The following CHCHD6 variants were observed in gnomAD, a reference collection of about 807,000 sequenced individuals.
CHCHD6 encodes coiled-coil-helix-coiled-coil-helix domain containing 6.
In CHCHD6, 28 loss-of-function variants were observed where a neutral mutation model predicts 32.3. That is an observed-to-expected ratio of 0.87 (90% CI 0.64 to 1.19). The LOEUF (loss-of-function observed/expected upper bound fraction) is 1.19, where lower values mean the gene tolerates loss of function less well. Ranked by LOEUF, CHCHD6 falls within the 50% of genes most tolerant of loss-of-function variation. The pLI is 0.00. For synonymous variants in CHCHD6, 122 were observed against 117.5 expected, an observed-to-expected ratio of 1.04 and a Z score of -0.25; for missense variants, 333 against 307.0, an observed-to-expected ratio of 1.08 and a Z score of -0.63.
chr3:126,738,848 C>G (rs75112617), intron 4 of CHCHD6, among the ~76,000 whole-genome samples: 198 of 152,308 alleles, frequency 1.3e-3, no homozygotes, highest in African/African-American at 4.7e-3. Flanking sequence ...ATTTGGGAGT[C>G]AACTAAAAAG....
At chr3:126,932,972 T>G (rs1317055128) in intron 6 of CHCHD6, among the ~76,000 whole-genome samples, 3 of 151,538 alleles carry the variant, frequency 2.0e-5, no homozygotes, top group Non-Finnish European at 4.4e-5. Context: ...CCTTGTGGGG[T>G]GGGGTGAGGC....
intron 4 of CHCHD6, among the ~76,000 whole-genome samples, chr3:126,842,255 T>C (rs768387980): frequency 6.6e-6 from 1 of 152,198 alleles, no homozygotes; most frequent in Non-Finnish European, 1.5e-5. Flanking sequence ...AAAAAAGAAC[T>C]GTTTAACCCT....
At chr3:126,766,296 AT>A in intron 4 of CHCHD6, 1 of 334,386 alleles carries the variant, frequency 3.0e-6, no homozygotes, top group South Asian at 3.1e-5. Context: ...GTAAAATGGA[AT>A]CTTATGGAGT....
chr3:126,867,477 A>G (rs182461759), intron 5 of CHCHD6, among the ~76,000 whole-genome samples: 3 of 152,356 alleles, frequency 2.0e-5, no homozygotes, highest in African/African-American at 2.4e-5. Flanking sequence ...CATCATGTGC[A>G]TGGGTTACCA....
At chr3:126,855,638 T>G (rs1039717171) in intron 5 of CHCHD6, among the ~76,000 whole-genome samples, 2 of 152,158 alleles carry the variant, frequency 1.3e-5, no homozygotes, top group African/African-American at 4.8e-5. Flanking sequence ...TGCATCGGGC[T>G]TTTCTCTGAT....
chr3:126,779,695 T>A (rs1481469160), intron 4 of CHCHD6, among the ~76,000 whole-genome samples: 1 of 152,212 alleles, frequency 6.6e-6, no homozygotes, highest in Non-Finnish European at 1.5e-5. Flanking sequence ...GCACTATTTG[T>A]TGAAAAGACT....
intron 5 of CHCHD6, among the ~76,000 whole-genome samples, chr3:126,884,598 T>C (rs1372072794): frequency 1.3e-5 from 2 of 152,208 alleles, no homozygotes; most frequent in African/African-American, 4.8e-5. Flanking sequence ...CCATAGGAAC[T>C]GAACTTGTTT....
chr3:126,712,963 C>A (rs982610802), intron 1 of CHCHD6, among the ~76,000 whole-genome samples: 4 of 152,172 alleles, frequency 2.6e-5, no homozygotes, highest in Non-Finnish European at 5.9e-5. Context: ...GGAAAGCTGG[C>A]GGTCATCCAC....
chr3:126,793,877 T>C (rs1472587543), intron 4 of CHCHD6, among the ~76,000 whole-genome samples: 1 of 152,204 alleles, frequency 6.6e-6, no homozygotes, highest in Non-Finnish European at 1.5e-5. Flanking sequence ...AGATATAGAC[T>C]GTTGGGTTAA....
chr3:126,711,080 G>T (rs1362245743), intron 1 of CHCHD6, among the ~76,000 whole-genome samples: 1 of 152,118 alleles, frequency 6.6e-6, no homozygotes, highest in Non-Finnish European at 1.5e-5. Flanking sequence ...TATCAGATTG[G>T]TAACTTTATC....
At chr3:126,889,202 C>T (rs912788208) in intron 5 of CHCHD6, among the ~76,000 whole-genome samples, 3 of 152,036 alleles carry the variant, frequency 2.0e-5, no homozygotes, top group South Asian at 2.1e-4. Context: ...TCAGAGGTGA[C>T]GTGGAGAGAA....
At chr3:126,957,072 G>A (rs983529240) in intron 6 of CHCHD6, 8 of 368,560 alleles carry the variant, frequency 2.2e-5, no homozygotes, top group African/African-American at 4.1e-5. Context: ...TCCTGGAGGC[G>A]GGCTGCACCA....
intron 4 of CHCHD6, among the ~76,000 whole-genome samples, chr3:126,815,467 C>CCTCGTTGTCT (rs1025410816): frequency 5.3e-5 from 8 of 152,202 alleles, no homozygotes; most frequent in African/African-American, 1.9e-4. Flanking sequence ...GCGCCCTCCA[C>CCTCGTTGTCT]CTCGTTGTCT....
At chr3:126,954,361 G>A (rs895346840) in intron 6 of CHCHD6, among the ~76,000 whole-genome samples, 6 of 152,194 alleles carry the variant, frequency 3.9e-5, no homozygotes, top group African/African-American at 1.2e-4. Context: ...CATGGGGAGA[G>A]GGGCAAATGT....
chr3:126,772,284 G>A (rs1215255720), intron 4 of CHCHD6, among the ~76,000 whole-genome samples: 1 of 152,084 alleles, frequency 6.6e-6, no homozygotes, highest in Non-Finnish European at 1.5e-5. Context: ...TGTATTTTTA[G>A]TAGAGGCAGG....
intron 5 of CHCHD6, among the ~76,000 whole-genome samples, chr3:126,875,786 T>A (rs1407843989): frequency 6.6e-6 from 1 of 152,242 alleles, no homozygotes; most frequent in Non-Finnish European, 1.5e-5. Flanking sequence ...ACTGTATTTT[T>A]GTTTTTTCTT....
At chr3:126,824,560 C>CAAAAA (rs71150454) in intron 4 of CHCHD6, among the ~76,000 whole-genome samples, 6,523 of 39,822 alleles carry the variant, frequency 0.16, 1,214 homozygotes, top group Non-Finnish European at 0.19. Context: ...GACTCTGTCT[C>CAAAAA]AAAAAAAAAA....
intron 4 of CHCHD6, among the ~76,000 whole-genome samples, chr3:126,849,261 A>C (rs1289153067): frequency 1.3e-5 from 2 of 152,264 alleles, no homozygotes. Flanking sequence ...CCTGCACGAT[A>C]AAGAGGGTTC....
intron 5 of CHCHD6, among the ~76,000 whole-genome samples, chr3:126,865,169 T>TTCCTCC (rs1254463619): frequency 1.6e-5 from 1 of 62,638 alleles, no homozygotes; most frequent in Admixed American, 1.5e-4. Context: ...CCTCCACTTC[T>TTCCTCC]TCCTCCTCCT....
Sources: allele counts gnomAD v4.1 joint callset (sites outside exome capture counted in the v4.1 genomes callset), GRCh38; gene constraint gnomAD v4.1.1; transcripts MANE v1.5; gene names NCBI Gene and HGNC (gene_info 2026-07-23, HGNC 2026-07-21).